EPB41L4A: variants seen among roughly 807,000 people sequenced by gnomAD.
EPB41L4A encodes band 4.1-like protein 4A.
Under a neutral mutation model 108.6 loss-of-function variants are expected in EPB41L4A, and 100 were observed. The ratio of observed to expected loss-of-function variants is 0.92; its 90% CI spans 0.78 to 1.09. The LOEUF (loss-of-function observed/expected upper bound fraction) is 1.09, where lower values mean the gene tolerates loss of function less well. EPB41L4A is among the 50% of genes least tolerant of loss of function. The pLI is 0.00. For missense variants in EPB41L4A, 1,030 were observed against 842.7 expected (o/e 1.22, Z -2.75); for synonymous variants, 319 against 289.0 (o/e 1.10, Z -1.05).
At chr5:112,232,065 G>A (rs966188452) in intron 12 of EPB41L4A, among the ~76,000 whole-genome samples, 12 of 150,782 alleles carry the variant, frequency 8.0e-5, no homozygotes, top group African/African-American at 2.7e-4. Flanking sequence ...TGTGAGCTAT[G>A]GCCACAACAC....
At chr5:112,364,626 T>A (rs1759007976) in intron 1 of EPB41L4A, among the ~76,000 whole-genome samples, 1 of 152,194 alleles carries the variant, frequency 6.6e-6, no homozygotes, top group Non-Finnish European at 1.5e-5. Context: ...TAGTTAAGCA[T>A]TTTTTCCCTC....
At chr5:112,277,797 A>T (rs776078448) in intron 3 of EPB41L4A, among the ~76,000 whole-genome samples, 1 of 152,240 alleles carries the variant, frequency 6.6e-6, no homozygotes, top group Non-Finnish European at 1.5e-5. Context: ...GTCTAGCCAG[A>T]TATTTTTTGG....
At chr5:112,173,830 G>C (rs1248086560) in intron 18 of EPB41L4A, 4 of 152,108 alleles carry the variant, frequency 2.6e-5, no homozygotes, top group African/African-American at 7.2e-5. Flanking sequence ...TTTTAGTAGA[G>C]ACGGGGTTTC....
At chr5:112,378,864 C>G (rs566999523) in intron 1 of EPB41L4A, among the ~76,000 whole-genome samples, 1 of 152,298 alleles carries the variant, frequency 6.6e-6, no homozygotes, top group African/African-American at 2.4e-5. Context: ...ATAGTGGAAC[C>G]TTTCTAAATG....
chr5:112,243,782 C>G (rs377526150), intron 9 of EPB41L4A, among the ~76,000 whole-genome samples: 1 of 152,228 alleles, frequency 6.6e-6, no homozygotes, highest in East Asian at 1.9e-4. Flanking sequence ...TTCCTCACCT[C>G]TCTTAGACTT....
upstream of EPB41L4A, chr5:112,419,620 T>C (rs927455303): frequency 4.4e-6 from 2 of 455,418 alleles, no homozygotes; most frequent in African/African-American, 2.0e-5. Flanking sequence ...GCTTTTCTTT[T>C]GTGTGAGGAG....
intron 1 of EPB41L4A, among the ~76,000 whole-genome samples, chr5:112,339,641 C>A (rs1757181792): frequency 6.6e-6 from 1 of 151,362 alleles, no homozygotes; most frequent in South Asian, 2.1e-4. Flanking sequence ...TCAAGCGATT[C>A]CCCCGCCTCA....
intron 1 of EPB41L4A, among the ~76,000 whole-genome samples, chr5:112,407,018 G>C (rs1561650974): frequency 6.6e-6 from 1 of 152,078 alleles, no homozygotes; most frequent in African/African-American, 2.4e-5. Flanking sequence ...TGAATTAACT[G>C]AGGATATGGG....
intron 12 of EPB41L4A, among the ~76,000 whole-genome samples, chr5:112,225,457 T>A (rs1352031822): frequency 6.6e-6 from 1 of 152,244 alleles, no homozygotes; most frequent in Non-Finnish European, 1.5e-5. Context: ...CTGAGCTTAT[T>A]GAGAATGTCT....
chr5:112,166,700 AGGCTAG>A (rs1315194416), intron 22 of EPB41L4A, among the ~76,000 whole-genome samples: 1 of 152,260 alleles, frequency 6.6e-6, no homozygotes, highest in Non-Finnish European at 1.5e-5. Context: ...CTCCAGGTCT[AGGCTAG>A]GGTCATCAAA....
At chr5:112,151,660 G>A (rs1759473901) in intron 12 of EPB41L4A, among the ~76,000 whole-genome samples, 1 of 151,718 alleles carries the variant, frequency 6.6e-6, no homozygotes, top group Non-Finnish European at 1.5e-5. Context: ...CACCTGCCTT[G>A]GCCTCCTGAA....
rs543295660 is a variant in EPB41L4A at position 112,219,687 on chromosome 5, AT to A, written c.1088-9706del. 7.9e-5 allele frequency among the ~76,000 whole-genome samples: 12 copies of A among 152,206 alleles called. No homozygotes were observed. In the South Asian group the frequency reaches 2.3e-3, roughly 29 times the overall value. On this transcript the variant is annotated intron_variant, in intron 12 of 22. Coordinates refer to ENST00000261486, the MANE Select transcript of EPB41L4A (RefSeq NM_022140.5). ...ATAAATTATTAAATATAAAAAGTAA[AT>A]TTTTTATTGGAAAGCAATTTTTTTT...
chr5:112,198,014 T>G (rs956176568), intron 15 of EPB41L4A, among the ~76,000 whole-genome samples: 4 of 152,182 alleles, frequency 2.6e-5, no homozygotes, highest in African/African-American at 4.8e-5. Flanking sequence ...CCTCTGATAT[T>G]ACTGTTAAGC....
At chr5:112,346,827 A>G (rs978563461) in intron 1 of EPB41L4A, among the ~76,000 whole-genome samples, 1 of 152,242 alleles carries the variant, frequency 6.6e-6, no homozygotes, top group African/African-American at 2.4e-5. Flanking sequence ...TACAAGTTTT[A>G]GCCACAGAAA....
intron 20 of EPB41L4A, 29 bp from the exon 21 acceptor site, chr5:112,169,134 C>G: frequency 5.4e-6 from 8 of 1,482,290 alleles, no homozygotes; most frequent in East Asian, 2.3e-5. Flanking sequence ...AACATGAAAA[C>G]AAACACCCAA....
At chr5:112,143,818 G>T (rs528386509) in exon 14 of EPB41L4A, 1 of 451,164 alleles carries the variant, frequency 2.2e-6, no homozygotes, top group Non-Finnish European at 4.5e-6. Flanking sequence ...AGGAGGTGGG[G>T]CTCTCTGTCC....
At chr5:112,166,394 C>T (rs1760249435) in intron 22 of EPB41L4A, among the ~76,000 whole-genome samples, 1 of 152,212 alleles carries the variant, frequency 6.6e-6, no homozygotes, top group Non-Finnish European at 1.5e-5. Context: ...CTTTAAGTCC[C>T]TGTGTTATCT....
At chr5:112,299,968 G>A (rs1036305132) in intron 2 of EPB41L4A, among the ~76,000 whole-genome samples, 3 of 152,028 alleles carry the variant, frequency 2.0e-5, no homozygotes, top group African/African-American at 7.2e-5. Context: ...ACATATGCCT[G>A]CTTGTTTTTG....
chr5:112,230,096 A>C (rs1748775492), intron 12 of EPB41L4A, among the ~76,000 whole-genome samples: 1 of 152,056 alleles, frequency 6.6e-6, no homozygotes, highest in Non-Finnish European at 1.5e-5. Context: ...TGTACATAGT[A>C]ATATAAACAC....
Sources: gnomAD v4.1 joint callset for allele counts (sites outside exome capture counted in the v4.1 genomes callset) on GRCh38, gnomAD v4.1.1 for gene constraint, MANE v1.5 for transcripts, NCBI Gene and HGNC (gene_info 2026-07-23, HGNC 2026-07-21) for gene names.